The following BANP variants were observed in gnomAD, a reference collection of about 807,000 sequenced individuals.
BANP encodes protein BANP.
A neutral mutation model predicts 68.1 loss-of-function variants in BANP; 11 were observed. The observed-to-expected ratio is 0.16, with a 90% CI of 0.10 to 0.27. The LOEUF is 0.27. Among genes scored for constraint, BANP ranks in the 10% least tolerant of loss-of-function variants. BANP has a pLI of 1.00. For missense variants in BANP, 504 were observed against 722.7 expected (o/e 0.70, Z 3.47); for synonymous variants, 329 against 303.2 (o/e 1.09, Z -0.88).
chr16:88,006,657 A>G (rs1178142507), intron 6 of BANP, among the ~76,000 whole-genome samples: 2 of 150,830 alleles, frequency 1.3e-5, no homozygotes, highest in East Asian at 3.9e-4. Flanking sequence ...AAAAAAAAAA[A>G]AGTGATACAG....
chr16:88,015,988 C>T (rs551168274), intron 6 of BANP, among the ~76,000 whole-genome samples: 37 of 152,310 alleles, frequency 2.4e-4, no homozygotes, highest in African/African-American at 8.9e-4. Flanking sequence ...GGGGACCTTG[C>T]AGTGGGACAG....
At chr16:88,056,157 T>C (rs543486016) in intron 11 of BANP, among the ~76,000 whole-genome samples, 23 of 152,334 alleles carry the variant, frequency 1.5e-4, no homozygotes, top group South Asian at 4.1e-4. Context: ...GAGGGGTCCT[T>C]GTGGCCCCTA....
intron 9 of BANP, chr16:88,035,101 G>C: frequency 1.8e-6 from 1 of 552,278 alleles, no homozygotes; most frequent in Admixed American, 3.2e-5. Flanking sequence ...CACGTGGTGG[G>C]GGTAGGGGGT....
intron 1 of BANP, among the ~76,000 whole-genome samples, chr16:87,955,901 C>T (rs950026100): frequency 2.0e-5 from 3 of 152,166 alleles, no homozygotes; most frequent in Non-Finnish European, 2.9e-5. Context: ...CTGGCCAGTG[C>T]GTCTCAAGTG....
rs1462521032 is a variant in BANP, at chr16:88,059,540, C to G, written c.1312-5727C>G. On this transcript the variant is annotated intron_variant, in intron 11 of 13. Coordinates refer to ENST00000682872, the MANE Select transcript of BANP (RefSeq NM_001386991.1). ...GAGTTGCTTTTTAAGGGACACGGTTCAGGCCACAGGACCCTCCCCATCCCC... is the reference window on the plus strand; with the variant it reads ...GAGTTGCTTTTTAAGGGACACGGTTGAGGCCACAGGACCCTCCCCATCCCC... 1.1e-4 allele frequency among the ~76,000 whole-genome samples: 16 copies of G among 152,144 alleles called. No homozygotes were observed. The East Asian group carries it at 3.1e-3, about 29-fold the overall frequency.
chr16:87,952,358 C>G (rs2057110734), intron 1 of BANP: 1 of 152,204 alleles, frequency 6.6e-6, no homozygotes, highest in African/African-American at 2.4e-5. Context: ...TGAAGGGTAG[C>G]GAGCTTGCAC....
In BANP at chr16:88,071,767, T is replaced by C; in HGVS notation, c.1378-302T>C. On this transcript the variant is annotated intron_variant, in intron 12 of 13. Transcript: ENST00000682872. This position sits in a 1 kb window ranked among gnomAD's most constrained non-coding sequence, Gnocchi z 6.5. Reference sequence around the variant, plus strand: ...TGTGGCATTTGCTGTTGCTCTCTTTTTCTGTGGAAGCTCTGCCTTGCTTTT... The same window carrying C: ...TGTGGCATTTGCTGTTGCTCTCTTTCTCTGTGGAAGCTCTGCCTTGCTTTT... The C allele has an allele frequency of 1.6e-6, 1 of 621,992 alleles. No individual in the cohort carries two copies. Among genetic ancestry groups the C allele is most frequent in the East Asian group, 3.3e-5 (1 of 30,632 alleles). 38.5% of individuals were successfully genotyped at this position (621,992 alleles called of 1,614,324 possible).
At chr16:88,046,625 A>G (rs2082081479) in intron 11 of BANP, among the ~76,000 whole-genome samples, 1 of 151,838 alleles carries the variant, frequency 6.6e-6, no homozygotes, top group Admixed American at 6.6e-5. Context: ...GGCTCACTGC[A>G]ACCTCCGTCT....
At chr16:88,035,031 T>G in intron 9 of BANP, 1 of 351,974 alleles carries the variant, frequency 2.8e-6, no homozygotes, top group Non-Finnish European at 5.3e-6. Flanking sequence ...GTGTGGCACA[T>G]ATGGGCGGGA....
chr16:87,994,591 C>T (rs1324613612), intron 4 of BANP, among the ~76,000 whole-genome samples: 1 of 152,066 alleles, frequency 6.6e-6, no homozygotes, highest in African/African-American at 2.4e-5. Context: ...ATTTTAATGC[C>T]GATTTATTTT....
chr16:88,029,797 G>C (rs2077765479), intron 8 of BANP, among the ~76,000 whole-genome samples: 1 of 152,216 alleles, frequency 6.6e-6, no homozygotes, highest in Admixed American at 6.5e-5. Flanking sequence ...GGAGGGGACA[G>C]GGAGATACCG....
At chr16:88,075,470 T>C (rs1472648806) in intron 13 of BANP, among the ~76,000 whole-genome samples, 1 of 152,066 alleles carries the variant, frequency 6.6e-6, no homozygotes, top group Non-Finnish European at 1.5e-5. Flanking sequence ...ACTACTGCAC[T>C]CCAACCTGGG....
chr16:88,040,255 C>CT lies in BANP; in HGVS notation c.1311+2260dup, dbSNP rs71156289. Among the ~76,000 whole-genome samples the CT allele has an allele frequency of 3.9e-3, 553 of 142,408 alleles. 5 individuals are homozygous for CT. The highest frequency in any genetic ancestry group is 9.8e-3 in the East Asian group (48 of 4,876). The allele number at this position is 142,408 out of a possible 152,430, so 93.4% of individuals were successfully genotyped here. ...CCCTCGTTTTCCATTTGTGGAAATCCTTTTTTTTTTTTTTTTCCATCATTT... is the reference window on the plus strand; with the variant it reads ...CCCTCGTTTTCCATTTGTGGAAATCCTTTTTTTTTTTTTTTTTCCATCATTT... On this transcript the variant is annotated intron_variant, in intron 11 of 13. Coordinates refer to ENST00000682872, the MANE Select transcript of BANP (RefSeq NM_001386991.1).
intron 3 of BANP, among the ~76,000 whole-genome samples, chr16:87,983,801 C>T (rs2063759637): frequency 6.6e-6 from 1 of 152,118 alleles, no homozygotes; most frequent in Non-Finnish European, 1.5e-5. Flanking sequence ...ATGGGCTTAA[C>T]CAAGAATTGC....
chr16:87,996,417 T>TG (rs1265231881), intron 4 of BANP, among the ~76,000 whole-genome samples: 1 of 151,670 alleles, frequency 6.6e-6, no homozygotes, highest in Non-Finnish European at 1.5e-5. Context: ...GGGTGCCAGC[T>TG]GGGCTCTGGT....
intron 13 of BANP, among the ~76,000 whole-genome samples, chr16:88,075,267 A>C (rs1320555304): frequency 6.6e-6 from 1 of 152,080 alleles, no homozygotes. Flanking sequence ...AACTGCTTGA[A>C]CCCGGGAGGC....
chr16:87,964,538 G>A (rs1013238587), intron 1 of BANP, among the ~76,000 whole-genome samples: 11 of 152,262 alleles, frequency 7.2e-5, no homozygotes, highest in South Asian at 2.1e-4. Flanking sequence ...TGCAGGGGCC[G>A]AGTGAGCGTG....
At chr16:87,988,289 A>C (rs2064979890) in intron 4 of BANP, among the ~76,000 whole-genome samples, 1 of 152,110 alleles carries the variant, frequency 6.6e-6, no homozygotes, top group Non-Finnish European at 1.5e-5. Context: ...TTTGAGATGG[A>C]GTCTCGCTCT....
chr16:88,069,675 AC>A (rs1434810220), intron 12 of BANP, among the ~76,000 whole-genome samples: 1 of 152,040 alleles, frequency 6.6e-6, no homozygotes, highest in African/African-American at 2.4e-5. Context: ...TGGCACCTGC[AC>A]CCCAGGGCCA....
Sources: allele counts gnomAD v4.1 joint callset (sites outside exome capture counted in the v4.1 genomes callset), GRCh38; gene constraint gnomAD v4.1.1; non-coding constraint Gnocchi (gnomAD v3.1); transcripts MANE v1.5; gene names NCBI Gene and HGNC (gene_info 2026-07-23, HGNC 2026-07-21).